Variants in RFX3 observed in about 807,000 individuals in gnomAD.
RFX3 encodes transcription factor RFX3.
RFX3 carries 14 observed loss-of-function variants against 98.6 expected under a neutral mutation model. That is an observed-to-expected ratio of 0.14 (90% CI 0.09 to 0.22). The LOEUF is 0.22. Ranked by LOEUF, RFX3 falls within the 10% of genes least tolerant of loss-of-function variation. The pLI is 1.00. For missense variants in RFX3, 639 were observed against 926.9 expected (o/e 0.69, Z 4.03); for synonymous variants, 383 against 328.4 (o/e 1.17, Z -1.80).
chr9:3,395,124 TC>T (rs1186105748), intron 2 of RFX3, among the ~76,000 whole-genome samples: 1 of 152,132 alleles, frequency 6.6e-6, no homozygotes, highest in Non-Finnish European at 1.5e-5. Flanking sequence ...TGCTGACATT[TC>T]AATATGAAAG....
At chr9:3,235,764 T>C (rs1056784679) in intron 15 of RFX3, among the ~76,000 whole-genome samples, 1 of 152,188 alleles carries the variant, frequency 6.6e-6, no homozygotes, top group African/African-American at 2.4e-5. Context: ...CATGTTAGTA[T>C]GTAGTATTCT....
chr9:3,295,185 C>T (rs1827844535), intron 5 of RFX3, among the ~76,000 whole-genome samples: 1 of 151,082 alleles, frequency 6.6e-6, no homozygotes, highest in South Asian at 2.1e-4. Context: ...ATTTTGCCTA[C>T]AACAGGGGGA....
intron 4 of RFX3, among the ~76,000 whole-genome samples, chr9:3,323,751 G>C (rs1215649292): frequency 6.6e-6 from 1 of 152,168 alleles, no homozygotes; most frequent in African/African-American, 2.4e-5. Flanking sequence ...AAAATTCAGA[G>C]GAATTCACTG....
intron 1 of RFX3, among the ~76,000 whole-genome samples, chr9:3,493,535 T>C (rs980388304): frequency 6.6e-6 from 1 of 151,162 alleles, no homozygotes; most frequent in Non-Finnish European, 1.5e-5. Flanking sequence ...ATACAAAAAA[T>C]TTTCCGGGCG....
chr9:3,389,869 A>G (rs1208113432), intron 2 of RFX3, among the ~76,000 whole-genome samples: 1 of 152,194 alleles, frequency 6.6e-6, no homozygotes, highest in African/African-American at 2.4e-5. Flanking sequence ...CATTTCAGGT[A>G]AGTAATATTC....
intron 1 of RFX3, among the ~76,000 whole-genome samples, chr9:3,396,498 CAT>C (rs745563794): frequency 6.6e-6 from 1 of 152,120 alleles, no homozygotes; most frequent in Non-Finnish European, 1.5e-5. Flanking sequence ...CCGCAGTAAA[CAT>C]ATGTGTTCGT....
chr9:3,357,838 A>G (rs188234796), intron 2 of RFX3, among the ~76,000 whole-genome samples: 67 of 152,226 alleles, frequency 4.4e-4, no homozygotes, highest in African/African-American at 1.5e-3. Flanking sequence ...GTGTATCAAA[A>G]TAACACATGT....
intron 1 of RFX3, among the ~76,000 whole-genome samples, chr9:3,446,647 C>T (rs574770294): frequency 1.5e-4 from 22 of 151,140 alleles, no homozygotes; most frequent in African/African-American, 4.6e-4. Flanking sequence ...AAATTTCAGA[C>T]TCCTTTCCTT....
At chr9:3,281,359 A>G (rs560099477) in intron 7 of RFX3, among the ~76,000 whole-genome samples, 18 of 141,806 alleles carry the variant, frequency 1.3e-4, no homozygotes, top group South Asian at 4.4e-4. Flanking sequence ...ATTTCCATTG[A>G]AAAAAAAAAA....
At chr9:3,279,371 C>G (rs1398924970) in intron 7 of RFX3, among the ~76,000 whole-genome samples, 1 of 151,716 alleles carries the variant, frequency 6.6e-6, no homozygotes, top group Non-Finnish European at 1.5e-5. Context: ...TTGGGATTCA[C>G]AGAGCTTGAA....
intron 2 of RFX3, among the ~76,000 whole-genome samples, chr9:3,375,736 G>A (rs928216375): frequency 3.9e-5 from 6 of 152,104 alleles, no homozygotes; most frequent in African/African-American, 1.4e-4. Context: ...CAAGGCGGGT[G>A]GATCACAAGG....
At chr9:3,225,912 T>C (rs1374336196) in intron 16 of RFX3, among the ~76,000 whole-genome samples, 2 of 152,198 alleles carry the variant, frequency 1.3e-5, no homozygotes, top group African/African-American at 4.8e-5. Context: ...ATTTCCATTC[T>C]TGGCAACTGA....
intron 4 of RFX3, among the ~76,000 whole-genome samples, chr9:3,320,749 T>C (rs1317729223): frequency 8.7e-6 from 1 of 114,808 alleles, no homozygotes; most frequent in Admixed American, 8.2e-5. Context: ...TATATATACA[T>C]ATAATGCATG....
At chr9:3,312,652 G>A (rs980416475) in intron 4 of RFX3, among the ~76,000 whole-genome samples, 1 of 151,968 alleles carries the variant, frequency 6.6e-6, no homozygotes, top group East Asian at 1.9e-4. Flanking sequence ...CTCCCATTGT[G>A]AGCAACGCAG....
rs149807039 is a variant in RFX3, at chr9:3,421,935, T to C, written c.-8-26339A>G. Among the ~76,000 whole-genome samples the C allele has an allele frequency of 1.1e-4, 17 of 152,094 alleles. No homozygotes were observed. The East Asian group carries it at 2.9e-3, about 26-fold the overall frequency. On this transcript the variant is annotated intron_variant, in intron 1 of 16. Transcript: ENST00000617270. ...TGCTGACAGGAATTGATAGGAACTC[T>C]GAAGCCAGAGACTGTGCTCTTCTAT...
At chr9:3,507,780 T>G (rs1425757871) in intron 1 of RFX3, among the ~76,000 whole-genome samples, 1 of 152,000 alleles carries the variant, frequency 6.6e-6, no homozygotes, top group African/African-American at 2.4e-5. Context: ...TATACTGTAT[T>G]TACTTTTTTT....
chr9:3,524,871 AC>A, intron 1 of RFX3, among the ~76,000 whole-genome samples: 1 of 103,870 alleles, frequency 9.6e-6, no homozygotes, highest in Admixed American at 1.0e-4. Context: ...ACACACACAC[AC>A]ACACACCAAA....
At chr9:3,424,857 A>G (rs894027430) in intron 1 of RFX3, among the ~76,000 whole-genome samples, 6 of 152,190 alleles carry the variant, frequency 3.9e-5, no homozygotes, top group Non-Finnish European at 5.9e-5. Flanking sequence ...AAAGAATAAT[A>G]CTAGTCTCAA....
rs376083631 is a variant in RFX3 at position 3,283,569 on chromosome 9, T to A, written c.851+4562A>T. On this transcript the variant is annotated intron_variant, in intron 7 of 16. Coordinates refer to ENST00000617270, the MANE Select transcript of RFX3 (RefSeq NM_001282116.2). ...AAGGCCATCTAATGATAAAAGTTCT[T>A]AAATTTCCTCTCTCACTTCTAAAAG... Among the ~76,000 whole-genome samples the A allele has an allele frequency of 4.0e-5, 6 of 151,872 alleles. No individual in the cohort carries two copies. In the South Asian group the frequency reaches 1.2e-3, roughly 31 times the overall value.
Sources: allele counts gnomAD v4.1 joint callset (sites outside exome capture counted in the v4.1 genomes callset), GRCh38; gene constraint gnomAD v4.1.1; transcripts MANE v1.5; gene names NCBI Gene and HGNC (gene_info 2026-07-23, HGNC 2026-07-21).